The following ITPR2 variants were observed in gnomAD, a reference collection of about 807,000 sequenced individuals.
The protein encoded by ITPR2 is inositol 1,4,5-trisphosphate receptor type 2.
Under a neutral mutation model 317.1 loss-of-function variants are expected in ITPR2, and 207 were observed. The ratio of observed to expected loss-of-function variants is 0.65; its 90% CI spans 0.58 to 0.73. The LOEUF is 0.73. Ranked by LOEUF, ITPR2 falls within the 30% of genes least tolerant of loss-of-function variation. ITPR2 has a pLI of 0.00. For missense variants in ITPR2, 2,613 were observed against 3,284.0 expected, an observed-to-expected ratio of 0.80 and a Z score of 4.99; for synonymous variants, 1,156 against 1,149.1, an observed-to-expected ratio of 1.01 and a Z score of -0.12.
At chr12:26,644,503 G>C (rs1210211754) in intron 21 of ITPR2, among the ~76,000 whole-genome samples, 1 of 152,140 alleles carries the variant, frequency 6.6e-6, no homozygotes, top group Admixed American at 6.5e-5. Flanking sequence ...AAAGGAAAGA[G>C]GTTTAATTGA....
chr12:26,427,132 G>C (rs1941083158), intron 49 of ITPR2, among the ~76,000 whole-genome samples: 2 of 152,030 alleles, frequency 1.3e-5, no homozygotes, highest in Admixed American at 1.3e-4. Context: ...CAGAATGTAG[G>C]ACATTATGTT....
At chr12:26,590,473 A>G (rs1419969505) in intron 32 of ITPR2, among the ~76,000 whole-genome samples, 1 of 152,210 alleles carries the variant, frequency 6.6e-6, no homozygotes, top group Non-Finnish European at 1.5e-5. Flanking sequence ...CCACACACCT[A>G]CAATGAACTC....
chr12:26,587,604 G>C (rs1020895803), intron 32 of ITPR2, among the ~76,000 whole-genome samples: 1 of 152,134 alleles, frequency 6.6e-6, no homozygotes, highest in Non-Finnish European at 1.5e-5. Flanking sequence ...GGGAAGAAGG[G>C]TGGTCATAGG....
intron 32 of ITPR2, among the ~76,000 whole-genome samples, chr12:26,591,101 A>AAAT (rs1945689524): frequency 6.7e-6 from 1 of 148,950 alleles, no homozygotes; most frequent in Non-Finnish European, 1.5e-5. Context: ...AAAAAAAAAA[A>AAAT]AGCCTTTTGT....
At chr12:26,658,349 G>T (rs975812475) in intron 16 of ITPR2, among the ~76,000 whole-genome samples, 1 of 151,942 alleles carries the variant, frequency 6.6e-6, no homozygotes, top group Non-Finnish European at 1.5e-5. Flanking sequence ...TTTCAAAAAG[G>T]ATGTGTTTGC....
intron 13 of ITPR2, among the ~76,000 whole-genome samples, chr12:26,677,544 G>T (rs1947939281): frequency 6.6e-6 from 1 of 151,826 alleles, no homozygotes; most frequent in East Asian, 1.9e-4. Flanking sequence ...AAGCTGCAGT[G>T]AGCCATGATC....
Position 26,339,178 on chromosome 12 carries a change from G to A in ITPR2, c.*219C>T, listed in dbSNP as rs1938020417. Reference sequence around the variant, plus strand: ...TCTTCCTGATGCATTGCGAATGTGTGATGTACGCTTTCTAGCAGATGCATT... The same window carrying A: ...TCTTCCTGATGCATTGCGAATGTGTAATGTACGCTTTCTAGCAGATGCATT... On this transcript the variant is annotated 3_prime_UTR_variant, in exon 57 of 57. Coordinates refer to ENST00000381340, the MANE Select transcript of ITPR2 (RefSeq NM_002223.4). 1.9e-6 allele frequency: 1 copy of A among 516,674 alleles called. No individual in the cohort carries two copies. Among genetic ancestry groups the A allele is most frequent in the Non-Finnish European group, 3.5e-6 (1 of 287,590 alleles). The allele number at this position is 516,674 out of a possible 1,614,324, so 32.0% of individuals were successfully genotyped here.
chr12:26,706,397 T>A (rs1250204014), intron 9 of ITPR2, among the ~76,000 whole-genome samples: 1 of 152,192 alleles, frequency 6.6e-6, no homozygotes, highest in African/African-American at 2.4e-5. Flanking sequence ...ACTACACTTC[T>A]GGCCCCATCG....
intron 55 of ITPR2, among the ~76,000 whole-genome samples, chr12:26,378,212 T>C (rs574166416): frequency 6.6e-6 from 1 of 151,798 alleles, no homozygotes; most frequent in East Asian, 1.9e-4. Flanking sequence ...AATATAAAGC[T>C]AAAGGAAATA....
At chr12:26,562,091 A>G (rs1944835455) in intron 34 of ITPR2, 139 bp from the exon 35 acceptor site, 1 of 581,734 alleles carries the variant, frequency 1.7e-6, no homozygotes, top group Non-Finnish European at 2.7e-6. Context: ...TATAACTGTA[A>G]AAGCTTCTAA....
chr12:26,618,621 C>T (rs537198557), intron 26 of ITPR2, among the ~76,000 whole-genome samples: 2 of 152,302 alleles, frequency 1.3e-5, no homozygotes, highest in East Asian at 3.9e-4. Context: ...TAGAGGGGAA[C>T]ATACTGCATG....
At chr12:26,807,492 C>A (rs1950658926) in intron 1 of ITPR2, among the ~76,000 whole-genome samples, 1 of 152,192 alleles carries the variant, frequency 6.6e-6, no homozygotes, top group South Asian at 2.1e-4. Context: ...GGTGAGAAGT[C>A]AAAGCTGGAA....
At chr12:26,437,398 G>A (rs1395773245) in intron 47 of ITPR2, among the ~76,000 whole-genome samples, 1 of 152,188 alleles carries the variant, frequency 6.6e-6, no homozygotes, top group East Asian at 1.9e-4. Flanking sequence ...TCTCTTGGAA[G>A]GGAACATTCC....
intron 55 of ITPR2, among the ~76,000 whole-genome samples, chr12:26,356,045 A>T (rs1194527871): frequency 6.6e-6 from 1 of 152,222 alleles, no homozygotes; most frequent in African/African-American, 2.4e-5. Flanking sequence ...GTACAGACCA[A>T]TATGTTATTC....
chr12:26,624,134 T>C (rs1946563548), intron 24 of ITPR2, among the ~76,000 whole-genome samples, 165 bp downstream of exon 24: 1 of 152,192 alleles, frequency 6.6e-6, no homozygotes, highest in African/African-American at 2.4e-5. Context: ...CTATGCTTTC[T>C]CCTCCAGAGT....
intron 2 of ITPR2, among the ~76,000 whole-genome samples, chr12:26,785,158 T>C: frequency 2.8e-5 from 1 of 36,124 alleles, no homozygotes. Flanking sequence ...AGCCACCCCG[T>C]CCGGGAGGGA....
chr12:26,534,165 T>A (rs2136966205), intron 37 of ITPR2, among the ~76,000 whole-genome samples: 1 of 152,346 alleles, frequency 6.6e-6, no homozygotes, highest in South Asian at 2.1e-4. Context: ...CCTGGCTCTG[T>A]CATGGGATAG....
intron 55 of ITPR2, among the ~76,000 whole-genome samples, chr12:26,352,692 T>C (rs1938519521): frequency 6.6e-6 from 1 of 152,200 alleles, no homozygotes; most frequent in East Asian, 1.9e-4. Flanking sequence ...AGTTTTCCCC[T>C]GGAGGATAAG....
chr12:26,592,779 C>T (rs1302625667), intron 32 of ITPR2, among the ~76,000 whole-genome samples: 1 of 152,186 alleles, frequency 6.6e-6, no homozygotes, highest in African/African-American at 2.4e-5. Context: ...TTTGTTGGAA[C>T]ATCTGGATTT....
Sources: allele counts gnomAD v4.1 joint callset (sites outside exome capture counted in the v4.1 genomes callset), GRCh38; gene constraint gnomAD v4.1.1; transcripts MANE v1.5; gene names NCBI Gene and HGNC (gene_info 2026-07-23, HGNC 2026-07-21).